TPT1: variants seen among roughly 807,000 people sequenced by gnomAD.
TPT1 encodes the protein translationally-controlled tumor protein.
A neutral mutation model predicts 22.8 loss-of-function variants in TPT1; 5 were observed. That is an observed-to-expected ratio of 0.22 (90% confidence interval 0.11 to 0.46). TPT1 has a LOEUF of 0.46. Ranked by LOEUF, TPT1 falls within the 20% of genes least tolerant of loss-of-function variation. The probability of loss-of-function intolerance (pLI) is 0.99; values close to 1 mark genes in which losing one functional copy is unlikely to be tolerated. For synonymous variants in TPT1, 89 were observed against 73.6 expected (o/e 1.21, Z -1.07); for missense variants, 130 against 218.7 (o/e 0.59, Z 2.56).
At chr13:45,340,386 G>T in intron 2 of TPT1, 1 of 857,162 alleles carries the variant, frequency 1.2e-6, no homozygotes, top group Non-Finnish European at 1.9e-6. Flanking sequence ...AACAAAAAAT[G>T]GGGTCATTAA....
intron 4 of TPT1, chr13:45,339,076 G>A (rs1878906046): frequency 6.3e-6 from 2 of 318,272 alleles, no homozygotes; most frequent in South Asian, 1.5e-4. Context: ...GTCAACCACA[G>A]GGAACATAAG....
In TPT1 at chr13:45,334,225, G is replaced by A. The variant is rs1306035593; in HGVS notation, c.*3161C>T. On this transcript the variant is annotated 3_prime_UTR_variant, in exon 6 of 6. Transcript: ENST00000530705. ...TGGTTCCTGGCTAAATTTTAGAGAT[G>A]GGGTCTCCCTGTGGTGCCCAGGCTG... 1 of 151,944 alleles carries A rather than the reference G, an allele frequency of 6.6e-6. No individual in the cohort carries two copies. Among genetic ancestry groups the A allele is most frequent in the Non-Finnish European group, 1.5e-5 (1 of 68,002 alleles). 9.4% of individuals were successfully genotyped at this position (151,944 alleles called of 1,614,324 possible). A position where few individuals can be genotyped will look rare whatever the true frequency, so the allele number is the denominator to read the frequency against.
chr13:45,339,682 TA>T (rs1409248769), intron 3 of TPT1, 80 bp from the exon 4 acceptor site: 33 of 1,364,460 alleles, frequency 2.4e-5, no homozygotes, highest in Non-Finnish European at 3.0e-5. Flanking sequence ...TATCCAAGCT[TA>T]AAAAAAGAAA....
At chr13:45,340,948 G>T (rs1008043729) in intron 1 of TPT1, 94 bp downstream of exon 1, 1 of 1,543,754 alleles carries the variant, frequency 6.5e-7, no homozygotes, top group Non-Finnish European at 8.8e-7. Flanking sequence ...GACCGCCGGC[G>T]TCCCCTAGGC....
intron 3 of TPT1, 169 bp from the exon 4 acceptor site, chr13:45,339,771 T>C: frequency 1.3e-6 from 1 of 756,808 alleles, no homozygotes; most frequent in East Asian, 2.7e-5. Flanking sequence ...ACATTTCTTG[T>C]TGACTATTTT....
At chr13:45,337,595 T>G in intron 5 of TPT1, 1 of 1,596,002 alleles carries the variant, frequency 6.3e-7, no homozygotes, top group Non-Finnish European at 8.5e-7. Context: ...GTTCAAGGTC[T>G]ATCAGTGGAT....
chr13:45,340,023 G>A lies in TPT1; in HGVS notation c.264C>T (p.Tyr88=). The A allele has an allele frequency of 1.2e-6, 2 of 1,614,132 alleles. No homozygotes were observed. Among genetic ancestry groups the A allele is most frequent in the Non-Finnish European group, 1.7e-6 (2 of 1,180,014 alleles). ...LQETSFTKEA[Y]KKYIKDYMKS... ...TCATGTAATCTTTGATGTACTTCTT[G>A]TAGGCTTCTTTTGTGAAACTTGTTT... The change falls in exon 3 of 6, where the codon TAC becomes TAT. Residue 88 remains tyrosine, a synonymous_variant. Transcript: ENST00000530705.
At position 45,336,404 on chromosome 13, in the gene TPT1, T is replaced by C. The variant is rs756282186; in HGVS notation, c.*982A>G. ...CTTCTTGCATCTGTGGTGGAAACCA[T>C]AGCAGCAGATAGCAACTGCTCCAGG... On this transcript the variant is annotated 3_prime_UTR_variant, in exon 6 of 6. Transcript: ENST00000530705. 1.3e-5 allele frequency: 2 copies of C among 152,218 alleles called. No individual in the cohort carries two copies. The highest frequency in any genetic ancestry group is 2.4e-5 in the African/African-American group (1 of 41,456). 9.4% of individuals were successfully genotyped at this position (152,218 alleles called of 1,614,324 possible).
At chr13:45,338,900 G>A in intron 4 of TPT1, 124 bp from the exon 5 acceptor site, 1 of 710,014 alleles carries the variant, frequency 1.4e-6, no homozygotes, top group Non-Finnish European at 2.3e-6. Context: ...GTACCCAAAA[G>A]CTCTGATGCT....
At chr13:45,338,319 C>A in intron 5 of TPT1, 1 of 300,256 alleles carries the variant, frequency 3.3e-6, no homozygotes, top group Non-Finnish European at 6.1e-6. Flanking sequence ...AGGGTTTCGC[C>A]ATGTTGGCCA....
chr13:45,338,023 C>G (rs1878825313), intron 5 of TPT1, among the ~76,000 whole-genome samples: 1 of 152,200 alleles, frequency 6.6e-6, no homozygotes, highest in Non-Finnish European at 1.5e-5. Flanking sequence ...ACCACTGATA[C>G]TGATCCATAC....
chr13:45,340,521 G>A (rs763253780), intron 2 of TPT1, 191 bp downstream of exon 2: 3 of 791,438 alleles, frequency 3.8e-6, no homozygotes, highest in Non-Finnish European at 6.4e-6. Context: ...GGAGGAGGAT[G>A]GGCGCCGAGG....
chr13:45,340,351 C>T (rs1444969015), intron 2 of TPT1, 167 bp from the exon 3 acceptor site: 3 of 1,008,646 alleles, frequency 3.0e-6, no homozygotes, highest in East Asian at 2.6e-5. Flanking sequence ...AACGACCTAA[C>T]TTAAAAGAGT....
chr13:45,339,394 T>C lies in TPT1; in HGVS notation c.399+103A>G, dbSNP rs182569557. On this transcript the variant is annotated intron_variant, in intron 4 of 5. Coordinates refer to ENST00000530705, the MANE Select transcript of TPT1 (RefSeq NM_003295.4). ...CCTGCGAGCTGGGAAAGCCACTTTC[T>C]ACACCTGGAATACTAGTATAGAATT... The C allele has an allele frequency of 2.6e-5, 26 of 989,098 alleles. No individual in the cohort carries two copies. In the East Asian group the frequency reaches 5.2e-4, roughly 20 times the overall value. 61.3% of individuals were successfully genotyped at this position (989,098 alleles called of 1,614,324 possible).
chr13:45,338,903 C>T (rs1314312592), intron 4 of TPT1, 127 bp from the exon 5 acceptor site: 1 of 694,840 alleles, frequency 1.4e-6, no homozygotes, highest in Non-Finnish European at 2.3e-6. Context: ...CCCAAAAGCT[C>T]TGATGCTCAC....
Position 45,337,305 on chromosome 13 carries a change from T to G in TPT1, c.*81A>C. 2 of 1,370,560 alleles carry G rather than the reference T, an allele frequency of 1.5e-6. No individual in the cohort carries two copies. The highest frequency in any genetic ancestry group is 2.1e-6 in the Non-Finnish European group (2 of 961,328). The allele number at this position is 1,370,560 out of a possible 1,614,324, so 84.9% of individuals were successfully genotyped here. ...CAAGATGACATCAGTCCCATTTGTC[T>G]TAAGTCCTGGTGTTGTGTGGATGAC... On this transcript the variant is annotated 3_prime_UTR_variant, in exon 6 of 6. Coordinates refer to ENST00000530705, the MANE Select transcript of TPT1 (RefSeq NM_003295.4).
In TPT1 at chr13:45,334,265, T is replaced by C. The variant is rs1878539186; in HGVS notation, c.*3121A>G. On this transcript the variant is annotated 3_prime_UTR_variant, in exon 6 of 6. Coordinates refer to ENST00000530705, the MANE Select transcript of TPT1 (RefSeq NM_003295.4). ...TGCCCAGGCTGGCCTCTAACAATCC[T>C]ACCTCAGCCTTCTGAGTACAAGTGC... 6.6e-6 allele frequency: 1 copy of C among 152,244 alleles called. No homozygotes were observed. The highest frequency in any genetic ancestry group is 1.5e-5 in the Non-Finnish European group (1 of 68,054). 9.4% of individuals were successfully genotyped at this position (152,244 alleles called of 1,614,324 possible).
intron 2 of TPT1, 85 bp from the exon 3 acceptor site, chr13:45,340,269 T>C (rs1017090766): frequency 8.9e-6 from 13 of 1,463,682 alleles, no homozygotes; most frequent in East Asian, 6.8e-5. Context: ...GGATAAGAAG[T>C]ATTCTTAGTT....
At chr13:45,340,813 C>T in intron 1 of TPT1, 28 bp from the exon 2 acceptor site, 1 of 1,509,504 alleles carries the variant, frequency 6.6e-7, no homozygotes, top group Non-Finnish European at 8.8e-7. Flanking sequence ...CCGCCCATCA[C>T]CGTGCGCCTG....
Sources: gnomAD v4.1 joint callset for allele counts (sites outside exome capture counted in the v4.1 genomes callset) on GRCh38, gnomAD v4.1.1 for gene constraint, MANE v1.5 for transcripts, NCBI Gene and HGNC (gene_info 2026-07-23, HGNC 2026-07-21) for gene names.